Variants in PRKD2 observed in about 807,000 individuals in gnomAD.
The protein encoded by PRKD2 is protein kinase D2, also known as serine/threonine-protein kinase D2.
A neutral mutation model predicts 86.0 loss-of-function variants in PRKD2; 22 were observed. The ratio of observed to expected loss-of-function variants is 0.26; its 90% CI spans 0.18 to 0.37. PRKD2 has a LOEUF of 0.37. Among genes scored for constraint, PRKD2 ranks in the 10% least tolerant of loss-of-function variants. The pLI is 1.00. For missense variants in PRKD2, 818 were observed against 1,199.2 expected (o/e 0.68, Z 4.70); for synonymous variants, 509 against 510.9 (o/e 1.00, Z 0.05).
At chr19:46,682,813 TC>T (rs1301867848) in intron 14 of PRKD2, among the ~76,000 whole-genome samples, 1 of 145,936 alleles carries the variant, frequency 6.9e-6, no homozygotes, top group African/African-American at 2.5e-5. Context: ...AAATCCATCC[TC>T]CCACCTCAAC....
At chr19:46,687,367 G>A (rs542866643) in intron 14 of PRKD2, among the ~76,000 whole-genome samples, 25 of 151,946 alleles carry the variant, frequency 1.6e-4, no homozygotes, top group African/African-American at 5.3e-4. Flanking sequence ...ACTCCAGCTC[G>A]GGTGACAGAG....
At chr19:46,674,866 A>G in intron 17 of PRKD2, 131 bp from the exon 18 acceptor site, 8 of 1,196,004 alleles carry the variant, frequency 6.7e-6, no homozygotes, top group Non-Finnish European at 9.4e-6. Context: ...CCCAGCCAGT[A>G]GACATTTAGC....
Position 46,689,331 on chromosome 19 carries a change from C to T in PRKD2, c.1971+206G>A, listed in dbSNP as rs1048425779. On this transcript the variant is annotated intron_variant, in intron 14 of 17. Transcript: ENST00000291281. ...AGAGACAGGGTTTCACCATGTTAGC[C>T]AGGATGGTTTCGATCTCCTGACCTC... 8.6e-5 allele frequency among the ~76,000 whole-genome samples: 13 copies of T among 152,034 alleles called. No homozygotes were observed. The East Asian group carries it at 2.5e-3, about 29-fold the overall frequency.
At chr19:46,691,169 C>A (rs966190283) in intron 12 of PRKD2, among the ~76,000 whole-genome samples, 13 of 151,998 alleles carry the variant, frequency 8.6e-5, no homozygotes, top group African/African-American at 3.1e-4. Context: ...ATTTACCACC[C>A]GCCCCATACA....
intron 14 of PRKD2, among the ~76,000 whole-genome samples, chr19:46,688,245 C>T (rs2053428753): frequency 6.6e-6 from 1 of 151,778 alleles, no homozygotes; most frequent in Non-Finnish European, 1.5e-5. Flanking sequence ...TTAAGCAATC[C>T]TCTGGCCTTA....
intron 9 of PRKD2, among the ~76,000 whole-genome samples, chr19:46,694,570 G>C (rs1028099566): frequency 6.6e-6 from 1 of 152,112 alleles, no homozygotes; most frequent in Admixed American, 6.6e-5. Flanking sequence ...ACTCCAGCCT[G>C]GGCGACAGAG....
intron 14 of PRKD2, among the ~76,000 whole-genome samples, chr19:46,686,642 A>G (rs926193406): frequency 6.6e-6 from 1 of 150,402 alleles, no homozygotes; most frequent in African/African-American, 2.5e-5. Context: ...ACAAAATGAG[A>G]CCCTGTCTCA....
intron 3 of PRKD2, among the ~76,000 whole-genome samples, chr19:46,708,605 C>T (rs1368044230): frequency 1.3e-5 from 2 of 152,116 alleles, no homozygotes; most frequent in African/African-American, 2.4e-5. Context: ...GCCACCATGC[C>T]TGGCCTTCCT....
intron 7 of PRKD2, 140 bp from the exon 8 acceptor site, chr19:46,697,990 A>G: frequency 1.5e-6 from 1 of 682,366 alleles, no homozygotes; most frequent in Non-Finnish European, 2.6e-6. Context: ...TTTCCCCCCA[A>G]CACACACCCG....
At position 46,678,267 on chromosome 19, in the gene PRKD2, C is replaced by G. The variant is rs905995871; in HGVS notation, c.2338+129G>C. 2.1e-6 allele frequency: 3 copies of G among 1,406,400 alleles called. No homozygotes were observed. The highest frequency in any genetic ancestry group is 1.4e-5 in the African/African-American group (1 of 70,708). The allele number at this position is 1,406,400 out of a possible 1,614,324, so 87.1% of individuals were successfully genotyped here. A position where few individuals can be genotyped will look rare whatever the true frequency, so the allele number is the denominator to read the frequency against. On this transcript the variant is annotated intron_variant, in intron 16 of 17. Coordinates refer to ENST00000291281, the MANE Select transcript of PRKD2 (RefSeq NM_016457.5). The surrounding 1 kb of genome is among the most constrained non-coding windows in gnomAD (Gnocchi z 5.7). ...TAGCCACATCCCTCCAGTAGGCCCGCCCCAGCACTGGGCTCCACCCCCAAG... is the reference window on the plus strand; with the variant it reads ...TAGCCACATCCCTCCAGTAGGCCCGGCCCAGCACTGGGCTCCACCCCCAAG...
chr19:46,680,569 A>T lies in PRKD2; in HGVS notation c.2070+1081T>A, dbSNP rs371114656. Among the ~76,000 whole-genome samples, 7 of 152,006 alleles carry T rather than the reference A, an allele frequency of 4.6e-5. No homozygotes were observed. The East Asian group carries it at 5.8e-4, about 13-fold the overall frequency. ...CTCCCAAAGTGCTGGGATTATAGGC[A>T]TGAGCCGCTGCGCTCAACCAGAAAA... is the stretch of plus-strand genomic sequence containing the variant. On this transcript the variant is annotated intron_variant, in intron 15 of 17. Coordinates refer to ENST00000291281, the MANE Select transcript of PRKD2 (RefSeq NM_016457.5).
At chr19:46,686,931 A>G (rs1162142815) in intron 14 of PRKD2, among the ~76,000 whole-genome samples, 1 of 152,150 alleles carries the variant, frequency 6.6e-6, no homozygotes. Context: ...AGCCTGGGCA[A>G]TAGAGCAAGA....
intron 8 of PRKD2, 99 bp downstream of exon 8, chr19:46,697,634 C>T: frequency 8.7e-7 from 1 of 1,149,442 alleles, no homozygotes; most frequent in East Asian, 2.4e-5. Context: ...CCGCTCGCGC[C>T]TAGCTCCAGC....
intron 1 of PRKD2, chr19:46,714,276 C>G: frequency 1.6e-6 from 2 of 1,215,156 alleles, no homozygotes; most frequent in Non-Finnish European, 2.1e-6. Flanking sequence ...GCGTGGACAC[C>G]TCGAATTTTC....
chr19:46,715,495 T>A (rs2122188160), intron 1 of PRKD2, among the ~76,000 whole-genome samples: 1 of 152,278 alleles, frequency 6.6e-6, no homozygotes, highest in Non-Finnish European at 1.5e-5. Flanking sequence ...AGACGTGGAG[T>A]TCCACCTGGT....
At position 46,691,990 on chromosome 19, in the gene PRKD2, G is replaced by C; in HGVS notation, c.1577-5C>G. Reference sequence around the variant, plus strand: ...AGATGCTCAGAGAAGCTTGTCCTAGGGAGAGGGGAGAGACAGAGGTGAGGG... The same window carrying C: ...AGATGCTCAGAGAAGCTTGTCCTAGCGAGAGGGGAGAGACAGAGGTGAGGG... On this transcript the variant is annotated splice_polypyrimidine_tract_variant and splice_region_variant and intron_variant, in intron 10 of 17. Coordinates refer to ENST00000291281, the MANE Select transcript of PRKD2 (RefSeq NM_016457.5). 1.2e-6 allele frequency: 2 copies of C among 1,613,386 alleles called. No individual in the cohort carries two copies. Among genetic ancestry groups the C allele is most frequent in the Non-Finnish European group, 1.7e-6 (2 of 1,179,428 alleles).
chr19:46,713,935 C>A lies in PRKD2; in HGVS notation c.307G>T (p.Ala103Ser). The change falls in exon 2 of 18, where the codon GCC becomes TCC. Residue 103 changes from alanine (A) to serine (S), a missense_variant. Around this residue, in one of 5 missense-constraint regions of PRKD2, gnomAD observed 403 missense variants for 518.6 expected, o/e 0.78. Transcript: ENST00000291281. ...GAGCGCACCAGCTGCAGGAGGTTGG[C>A]CGACGTGGGGTCATGTTTGAAAAGC... The part of the protein sequence containing the change: ...ILLFKHDPTS[A>S]NLLQLVRSSG... The A allele has an allele frequency of 6.2e-7, 1 of 1,613,532 alleles. No individual in the cohort carries two copies. The highest frequency in any genetic ancestry group is 2.2e-5 in the East Asian group (1 of 44,870).
chr19:46,697,882 C>T, intron 7 of PRKD2, 32 bp from the exon 8 acceptor site: 1 of 1,553,794 alleles, frequency 6.4e-7, no homozygotes, highest in Non-Finnish European at 8.9e-7. Flanking sequence ...TGAGAAGTCA[C>T]ATGCAGAAAG....
intron 3 of PRKD2, among the ~76,000 whole-genome samples, chr19:46,707,365 G>T (rs1263097307): frequency 6.6e-6 from 1 of 152,248 alleles, no homozygotes; most frequent in South Asian, 2.1e-4. Context: ...CAGCACTTGG[G>T]GAGGCTGAGG....
Sources: gnomAD v4.1 joint callset for allele counts (sites outside exome capture counted in the v4.1 genomes callset) on GRCh38, gnomAD v4.1.1 for gene constraint, gnomAD v4.1.1 regional missense constraint, Gnocchi (gnomAD v3.1) non-coding constraint, MANE v1.5 for transcripts, NCBI Gene and HGNC (gene_info 2026-07-23, HGNC 2026-07-21) for gene names.